Variants in LPP observed in about 807,000 individuals in gnomAD.
LPP encodes the protein LIM domain containing preferred translocation partner in lipoma.
Under a neutral mutation model 60.4 loss-of-function variants are expected in LPP, and 38 were observed. That is an observed-to-expected ratio of 0.63 (90% CI 0.49 to 0.83). The LOEUF (loss-of-function observed/expected upper bound fraction) is 0.83, where lower values mean the gene tolerates loss of function less well. Ranked by LOEUF, LPP falls within the 40% of genes least tolerant of loss-of-function variation. LPP has a pLI of 0.00. For missense variants in LPP, 902 were observed against 783.6 expected (o/e 1.15, Z -1.80); for synonymous variants, 328 against 290.8 (o/e 1.13, Z -1.30).
chr3:188,276,635 TAA>T (rs1319267854), intron 2 of LPP, among the ~76,000 whole-genome samples: 3 of 151,518 alleles, frequency 2.0e-5, no homozygotes, highest in African/African-American at 7.3e-5. Flanking sequence ...TCTTGTCATT[TAA>T]AAGTGTGTGG....
At chr3:188,167,082 C>G (rs77569417) in intron 1 of LPP, among the ~76,000 whole-genome samples, 3,082 of 152,268 alleles carry the variant, frequency 0.02, 44 homozygotes, top group South Asian at 0.051. Context: ...GCCATATAAT[C>G]GTGTACTGGT....
intron 9 of LPP, among the ~76,000 whole-genome samples, chr3:188,835,925 G>A (rs10937373): frequency 0.024 from 3,668 of 152,312 alleles, 50 homozygotes; most frequent in South Asian, 0.037. Flanking sequence ...TCTCAGATGT[G>A]CATCTTGTTC....
At chr3:188,636,326 C>T (rs1343431004) in intron 7 of LPP, among the ~76,000 whole-genome samples, 1 of 152,182 alleles carries the variant, frequency 6.6e-6, no homozygotes, top group Non-Finnish European at 1.5e-5. Context: ...GTCACTCCCA[C>T]CCGAATACTG....
Position 188,609,581 on chromosome 3 carries a change from G to A in LPP, c.850G>A (p.Glu284Lys), listed in dbSNP as rs1345474712. The change falls in exon 7 of 12, where the codon GAG becomes AAG. Residue 284 changes from glutamate to lysine, a missense_variant. Transcript: ENST00000617246. The surrounding 1 kb of genome is among the most constrained non-coding windows in gnomAD (Gnocchi z 6.9). ...CATTCCACCACCAGGACTTCAGCCG[G>A]AGCCTGGGTATGGGTATGCCCCCAA... ...AYIPPPGLQPEPGYGYAPNQG... is the reference protein window; with the variant it reads ...AYIPPPGLQPKPGYGYAPNQG... The A allele has an allele frequency of 1.2e-6, 2 of 1,614,168 alleles. No individual in the cohort carries two copies. Among genetic ancestry groups the A allele is most frequent in the Admixed American group, 3.3e-5 (2 of 60,020 alleles).
At chr3:188,234,681 G>C (rs973487975) in intron 2 of LPP, among the ~76,000 whole-genome samples, 7 of 152,152 alleles carry the variant, frequency 4.6e-5, no homozygotes, top group Non-Finnish European at 8.8e-5. Flanking sequence ...TGAAAAGCTA[G>C]AATAAGAAGT....
intron 2 of LPP, among the ~76,000 whole-genome samples, chr3:188,238,081 G>A (rs995904023): frequency 2.0e-5 from 3 of 152,184 alleles, no homozygotes; most frequent in African/African-American, 7.2e-5. Context: ...AGCACTTACT[G>A]CTTTTCCTTG....
At chr3:188,491,787 A>G (rs1345832393) in intron 5 of LPP, among the ~76,000 whole-genome samples, 1 of 152,184 alleles carries the variant, frequency 6.6e-6, no homozygotes, top group Non-Finnish European at 1.5e-5. Flanking sequence ...AAGAAGATGG[A>G]CATTTTTGTT....
rs73190761 is a variant in LPP at position 188,186,538 on chromosome 3, G to A, written c.-190+32286G>A. 2.7e-3 allele frequency among the ~76,000 whole-genome samples: 414 copies of A among 151,900 alleles called. 1 individual carries two copies. Among genetic ancestry groups the A allele is most frequent in the Middle Eastern group, 0.014 (4 of 290 alleles). ...CACATTTGACTTTTGTGACCTCTTG[G>A]TCCTGCTGTTGGCAGTTAATCCTTT... is the stretch of plus-strand genomic sequence containing the variant. On this transcript the variant is annotated intron_variant, in intron 1 of 11. Coordinates refer to ENST00000617246, the MANE Select transcript of LPP (RefSeq NM_001375462.1).
At chr3:188,743,069 T>G (rs79191316) in intron 8 of LPP, among the ~76,000 whole-genome samples, 130 of 152,232 alleles carry the variant, frequency 8.5e-4, no homozygotes, top group African/African-American at 3.1e-3. Context: ...TTGATTTTTG[T>G]GCATTTTTTG....
intron 1 of LPP, chr3:188,179,199 G>T (rs765177000): frequency 1.1e-5 from 5 of 456,058 alleles, no homozygotes; most frequent in African/African-American, 1.0e-4. Flanking sequence ...GCCCTCCAAG[G>T]CTTTTGAATT....
intron 2 of LPP, among the ~76,000 whole-genome samples, chr3:188,293,469 C>T (rs1746736422): frequency 6.6e-6 from 1 of 152,198 alleles, no homozygotes; most frequent in South Asian, 2.1e-4. Flanking sequence ...CACCTCATTC[C>T]ACTGTTGAGA....
At chr3:188,197,756 G>T (rs1292297692) in intron 1 of LPP, among the ~76,000 whole-genome samples, 2 of 152,108 alleles carry the variant, frequency 1.3e-5, no homozygotes, top group Non-Finnish European at 2.9e-5. Flanking sequence ...CTGTGCTGAA[G>T]GGCAGGGCTT....
At chr3:188,670,367 G>A (rs1233327110) in intron 7 of LPP, among the ~76,000 whole-genome samples, 10 of 152,078 alleles carry the variant, frequency 6.6e-5, no homozygotes, top group Admixed American at 6.5e-4. Context: ...GGGAGAAAGA[G>A]TGAGGAAGGG....
chr3:188,747,472 C>T (rs189613105), intron 8 of LPP, among the ~76,000 whole-genome samples: 95 of 152,220 alleles, frequency 6.2e-4, no homozygotes, highest in African/African-American at 2.0e-3. Context: ...GAATGAAAAA[C>T]GAGAGGAGAA....
At chr3:188,403,822 C>T (rs151296254) in intron 3 of LPP, among the ~76,000 whole-genome samples, 1 of 152,070 alleles carries the variant, frequency 6.6e-6, no homozygotes, top group East Asian at 1.9e-4. Flanking sequence ...AAATATGGTC[C>T]CTACCCTTTT....
intron 9 of LPP, among the ~76,000 whole-genome samples, chr3:188,808,475 G>C (rs1171420886): frequency 6.6e-6 from 1 of 151,968 alleles, no homozygotes; most frequent in South Asian, 2.1e-4. Flanking sequence ...CCCTACCTAT[G>C]ATGAGTTATC....
At chr3:188,841,848 C>G (rs565539427) in intron 9 of LPP, among the ~76,000 whole-genome samples, 62 of 152,078 alleles carry the variant, frequency 4.1e-4, no homozygotes, top group Non-Finnish European at 8.1e-4. Context: ...CTCCTTTTGT[C>G]TATTATTGAT....
rs1553833771 is a variant in LPP, at chr3:188,757,889, G to GTTTTTTGT, written c.1241-2218_1241-2217insGTTTTTTT. Among the ~76,000 whole-genome samples the GTTTTTTGT allele has an allele frequency of 5.6e-3, 441 of 78,660 alleles. 9 individuals are homozygous for GTTTTTTGT. Among genetic ancestry groups the GTTTTTTGT allele is most frequent in the African/African-American group, 0.02 (394 of 19,410 alleles). 51.6% of individuals were successfully genotyped at this position (78,660 alleles called of 152,430 possible). A position where few individuals can be genotyped will look rare whatever the true frequency, so the allele number is the denominator to read the frequency against. Reference sequence around the variant, plus strand: ...TTTTTTTTGTGGTTTTGTTTTTTTGGTTTTTTTTTTTTTTTTTTTTCAGAA... The same window carrying GTTTTTTGT: ...TTTTTTTTGTGGTTTTGTTTTTTTGGTTTTTTGTTTTTTTTTTTTTTTTTTTTTCAGAA... On this transcript the variant is annotated intron_variant, in intron 8 of 11. Transcript: ENST00000617246.
At chr3:188,265,350 G>A (rs1271641869) in intron 2 of LPP, among the ~76,000 whole-genome samples, 1 of 152,206 alleles carries the variant, frequency 6.6e-6, no homozygotes, top group Non-Finnish European at 1.5e-5. Context: ...TTAAGATAGT[G>A]AAAGAGGACC....
Sources: gnomAD v4.1 joint callset for allele counts (sites outside exome capture counted in the v4.1 genomes callset) on GRCh38, gnomAD v4.1.1 for gene constraint, Gnocchi (gnomAD v3.1) non-coding constraint, MANE v1.5 for transcripts, NCBI Gene and HGNC (gene_info 2026-07-23, HGNC 2026-07-21) for gene names.